The following NELL1 variants were observed in gnomAD, a reference collection of about 807,000 sequenced individuals.
NELL1 encodes the protein protein kinase C-binding protein NELL1.
A neutral mutation model predicts 107.4 loss-of-function variants in NELL1; 76 were observed. The ratio of observed to expected loss-of-function variants is 0.71; its 90% CI spans 0.59 to 0.86. The LOEUF (loss-of-function observed/expected upper bound fraction) is 0.86. Among genes scored for constraint, NELL1 ranks in the 40% least tolerant of loss-of-function variants. The pLI, the probability that NELL1 is intolerant of heterozygous loss-of-function variation, is 0.00. For synonymous variants in NELL1, 353 were observed against 341.2 expected (o/e 1.03, Z -0.38); for missense variants, 1,024 against 1,005.5 (o/e 1.02, Z -0.25).
intron 15 of NELL1, among the ~76,000 whole-genome samples, chr11:21,488,262 C>T (rs118179290): frequency 2.0e-5 from 3 of 151,852 alleles, no homozygotes; most frequent in South Asian, 2.1e-4. Flanking sequence ...CCAGGATAGA[C>T]CGTATGTTAG....
chr11:20,700,246 C>G (rs1249331489), intron 2 of NELL1, among the ~76,000 whole-genome samples: 1 of 152,062 alleles, frequency 6.6e-6, no homozygotes, highest in African/African-American at 2.4e-5. Context: ...TTTGGGAAGC[C>G]AAGGCAGGTG....
intron 15 of NELL1, among the ~76,000 whole-genome samples, chr11:21,388,650 A>G (rs1851799498): frequency 6.6e-6 from 1 of 151,880 alleles, no homozygotes; most frequent in Non-Finnish European, 1.5e-5. Flanking sequence ...ATTCAGTTCC[A>G]CTGCTCCAAG....
chr11:20,873,154 G>GC (rs1020591277), intron 4 of NELL1, among the ~76,000 whole-genome samples: 4 of 152,168 alleles, frequency 2.6e-5, no homozygotes, highest in Non-Finnish European at 4.4e-5. Flanking sequence ...TTTGGAGGCA[G>GC]CCAGCCTGGG....
At chr11:20,874,428 T>C (rs1849264827) in intron 4 of NELL1, among the ~76,000 whole-genome samples, 1 of 152,232 alleles carries the variant, frequency 6.6e-6, no homozygotes, top group Non-Finnish European at 1.5e-5. Flanking sequence ...GGCAGAAGTT[T>C]ACACCTGGAT....
At chr11:20,797,006 T>G (rs16906805) in intron 3 of NELL1, among the ~76,000 whole-genome samples, 17,989 of 151,800 alleles carry the variant, frequency 0.12, 1,291 homozygotes, top group African/African-American at 0.19. Context: ...GAAGAAAAAT[T>G]TATTATTGGA....
chr11:20,947,196 A>T, intron 10 of NELL1, 140 bp from the exon 11 acceptor site: 1 of 606,536 alleles, frequency 1.6e-6, no homozygotes, highest in South Asian at 2.1e-5. Context: ...TTGTGGCATT[A>T]TCGTTTTTAG....
intron 15 of NELL1, among the ~76,000 whole-genome samples, chr11:21,478,342 G>T (rs1276122212): frequency 6.6e-6 from 1 of 152,180 alleles, no homozygotes; most frequent in East Asian, 1.9e-4. Flanking sequence ...ATATCATTCT[G>T]CCCCTGGTCT....
intron 13 of NELL1, among the ~76,000 whole-genome samples, chr11:21,194,525 A>C (rs1857112094): frequency 6.6e-6 from 1 of 152,114 alleles, no homozygotes; most frequent in Admixed American, 6.6e-5. Context: ...AAAATTCCCC[A>C]GATGATTTAA....
chr11:21,516,979 G>A (rs7931720), intron 15 of NELL1, among the ~76,000 whole-genome samples: 20,708 of 151,652 alleles, frequency 0.14, 1,550 homozygotes, highest in Admixed American at 0.2. Flanking sequence ...TAGTAGAGAC[G>A]GGGTTTCACC....
chr11:21,493,874 TA>T (rs906239722), intron 15 of NELL1, among the ~76,000 whole-genome samples: 5 of 152,024 alleles, frequency 3.3e-5, no homozygotes, highest in African/African-American at 1.2e-4. Context: ...TATAAATATG[TA>T]AAATATTTTG....
intron 14 of NELL1, among the ~76,000 whole-genome samples, chr11:21,327,362 T>G (rs1024196397): frequency 6.6e-6 from 1 of 151,906 alleles, no homozygotes; most frequent in Non-Finnish European, 1.5e-5. Context: ...AATCTGATGG[T>G]TTTATAAGGG....
intron 14 of NELL1, among the ~76,000 whole-genome samples, chr11:21,340,675 TGAGA>T (rs374342751): frequency 1.5e-5 from 2 of 133,236 alleles, no homozygotes; most frequent in South Asian, 4.8e-4. Context: ...TGAGAGAGAA[TGAGA>T]GAGAGAGAGA....
rs184866701 is a variant in NELL1 at position 21,278,315 on chromosome 11, A to T, written c.1549+48861A>T. On this transcript the variant is annotated intron_variant, in intron 14 of 19. Transcript: ENST00000357134. ...TAATGTATTAAGAAAATAAAATAAA[A>T]GGTGTAGTTACTGGAAAGAAAGAAA... 3.4e-3 allele frequency among the ~76,000 whole-genome samples: 517 copies of T among 152,262 alleles called. 2 individuals carry two copies. Among genetic ancestry groups the T allele is most frequent in the African/African-American group, 0.012 (494 of 41,570 alleles).
chr11:21,379,351 A>G lies in NELL1; in HGVS notation c.1645+8403A>G, dbSNP rs1412602496. ...AGCAGACCTTGACTTTCTCCTCCAC[A>G]TTTGTTCAGAAATAGGTTCATTTAC... is the stretch of plus-strand genomic sequence containing the variant. On this transcript the variant is annotated intron_variant, in intron 15 of 19. Coordinates refer to ENST00000357134, the MANE Select transcript of NELL1 (RefSeq NM_006157.5). 2.6e-5 allele frequency among the ~76,000 whole-genome samples: 4 copies of G among 152,174 alleles called. No homozygotes were observed. In the East Asian group the frequency reaches 5.8e-4, roughly 22 times the overall value.
At position 21,487,638 on chromosome 11, in the gene NELL1, C is replaced by A. The variant is rs1472217721; in HGVS notation, c.1646-46736C>A. On this transcript the variant is annotated intron_variant, in intron 15 of 19. Transcript: ENST00000357134. ...AAGAAATGAACAAAGAACATACAAC[C>A]AGAAAACAATGAACAATATGACAAA... Among the ~76,000 whole-genome samples, 3 of 152,000 alleles carry A rather than the reference C, an allele frequency of 2.0e-5. No homozygotes were observed. In the East Asian group the frequency reaches 5.8e-4, roughly 29 times the overall value.
chr11:21,496,647 G>T (rs574769504), intron 15 of NELL1, among the ~76,000 whole-genome samples: 9 of 152,206 alleles, frequency 5.9e-5, no homozygotes, highest in African/African-American at 2.2e-4. Context: ...CTGACCTCGT[G>T]ATCCACTTGC....
intron 3 of NELL1, among the ~76,000 whole-genome samples, chr11:20,806,100 T>C (rs179123): frequency 1.3e-5 from 2 of 151,952 alleles, no homozygotes; most frequent in Non-Finnish European, 1.5e-5. Flanking sequence ...GTACCTTCAG[T>C]GATTACTTAC....
chr11:21,309,914 G>C (rs147267407), intron 14 of NELL1, among the ~76,000 whole-genome samples: 29 of 152,186 alleles, frequency 1.9e-4, no homozygotes, highest in Non-Finnish European at 3.5e-4. Flanking sequence ...TTCAAGGTGA[G>C]ATTTTGGTGG....
intron 13 of NELL1, among the ~76,000 whole-genome samples, chr11:21,142,930 C>T (rs1855899356): frequency 6.6e-6 from 1 of 152,182 alleles, no homozygotes; most frequent in Non-Finnish European, 1.5e-5. Flanking sequence ...AAGACTATTT[C>T]TAGGCAGGTG....
Sources: allele counts gnomAD v4.1 joint callset (sites outside exome capture counted in the v4.1 genomes callset), GRCh38; gene constraint gnomAD v4.1.1; transcripts MANE v1.5; gene names NCBI Gene and HGNC (gene_info 2026-07-23, HGNC 2026-07-21).